HS3ST1: variants seen among roughly 807,000 people sequenced by gnomAD.
HS3ST1 encodes the protein heparan sulfate glucosamine 3-O-sulfotransferase 1.
Under a neutral mutation model 20.7 loss-of-function variants are expected in HS3ST1, and 8 were observed. That is an observed-to-expected ratio of 0.39 (90% confidence interval 0.23 to 0.70). The LOEUF is 0.70. Among genes scored for constraint, HS3ST1 ranks in the 30% least tolerant of loss-of-function variants. HS3ST1 has a pLI of 0.46. For synonymous variants in HS3ST1, 205 were observed against 190.4 expected (o/e 1.08, Z -0.63); for missense variants, 436 against 423.4 (o/e 1.03, Z -0.26).
chr4:11,433,819 C>G (rs930892402), upstream of HS3ST1, among the ~76,000 whole-genome samples: 4 of 152,214 alleles, frequency 2.6e-5, no homozygotes, highest in African/African-American at 7.2e-5. Context: ...TACTTAGGAG[C>G]TCACAGATGT....
Position 11,395,067 on chromosome 4 carries a change from C to T in HS3ST1, c.*4015G>A, listed in dbSNP as rs1332908160. ...CCACTCAGACAAATCTCTTGCCTAC[C>T]TCTACCCTCTACCCCCAGCCTCTCC... On this transcript the variant is annotated 3_prime_UTR_variant, in exon 2 of 2. Coordinates refer to ENST00000002596, the MANE Select transcript of HS3ST1 (RefSeq NM_005114.4). The T allele has an allele frequency of 6.6e-6, 1 of 152,202 alleles. No individual in the cohort carries two copies. The highest frequency in any genetic ancestry group is 2.4e-5 in the African/African-American group (1 of 41,436). The allele number at this position is 152,202 out of a possible 1,614,324, so 9.4% of individuals were successfully genotyped here.
chr4:11,423,021 CAAAAAAAAAAA>C (rs71181101), intron 1 of HS3ST1, among the ~76,000 whole-genome samples: 5 of 34,386 alleles, frequency 1.5e-4, no homozygotes, highest in East Asian at 9.4e-4. Context: ...GAGACACCGT[CAAAAAAAAAAA>C]AAAAAAAAAA....
At position 11,399,431 on chromosome 4, in the gene HS3ST1, T is replaced by C. The variant is rs750095284; in HGVS notation, c.575A>G (p.Asn192Ser). ...GRLNVDYKAL[N>S]RSLYHVHMQN... ...CATGTGCACGTGGTAGAGGCTGCGG[T>C]TGAGGGCCTTGTAGTCCACATTGAG... is the stretch of plus-strand genomic sequence containing the variant. Residue 192 changes from asparagine (N) to serine (S), a missense_variant, in exon 2 of 2, where the codon AAC (asparagine) becomes AGC (serine). Coordinates refer to ENST00000002596, the MANE Select transcript of HS3ST1 (RefSeq NM_005114.4). This position sits in a 1 kb window ranked among gnomAD's most constrained non-coding sequence, Gnocchi z 5.1. The C allele has an allele frequency of 3.1e-6, 5 of 1,613,944 alleles. No homozygotes were observed. In the South Asian group the frequency reaches 4.4e-5, roughly 14 times the overall value.
chr4:11,421,168 C>A (rs569664925), intron 1 of HS3ST1, among the ~76,000 whole-genome samples: 3 of 152,226 alleles, frequency 2.0e-5, no homozygotes, highest in Admixed American at 6.5e-5. Flanking sequence ...TGGCCATCTC[C>A]CTCAATCCTC....
chr4:11,405,782 A>G (rs925977740), intron 1 of HS3ST1, among the ~76,000 whole-genome samples: 2 of 152,198 alleles, frequency 1.3e-5, no homozygotes, highest in African/African-American at 4.8e-5. Flanking sequence ...AGGGGAAGCA[A>G]TGAAATAACC....
At chr4:11,401,918 G>A (rs896398587) in intron 1 of HS3ST1, among the ~76,000 whole-genome samples, 36 of 152,194 alleles carry the variant, frequency 2.4e-4, no homozygotes, top group Admixed American at 1.8e-3. Flanking sequence ...ATCAGTCTGT[G>A]TTTCACGCTA....
At chr4:11,418,135 T>C (rs573342498) in intron 1 of HS3ST1, among the ~76,000 whole-genome samples, 1 of 152,280 alleles carries the variant, frequency 6.6e-6, no homozygotes, top group East Asian at 1.9e-4. Flanking sequence ...CCCCTCCTAC[T>C]TTAGAGCAGA....
upstream of HS3ST1, among the ~76,000 whole-genome samples, chr4:11,431,153 A>G (rs1186117093): frequency 6.6e-6 from 1 of 150,586 alleles, no homozygotes; most frequent in Non-Finnish European, 1.5e-5. Flanking sequence ...GGGTATCGTG[A>G]TTTAATGATG....
At chr4:11,424,177 T>TA (rs1200503119) in intron 1 of HS3ST1, among the ~76,000 whole-genome samples, 2 of 152,190 alleles carry the variant, frequency 1.3e-5, no homozygotes, top group African/African-American at 2.4e-5. Flanking sequence ...CTCAAGCTGT[T>TA]ACTTGCCTGG....
Position 11,394,306 on chromosome 4 carries a change from C to G in HS3ST1, c.*4776G>C, listed in dbSNP as rs1463017750. 1 of 152,170 alleles carries G rather than the reference C, an allele frequency of 6.6e-6. No individual in the cohort carries two copies. The highest frequency in any genetic ancestry group is 1.5e-5 in the Non-Finnish European group (1 of 68,026). The allele number at this position is 152,170 out of a possible 1,614,324, so 9.4% of individuals were successfully genotyped here. ...TCTGGCTCTCTCTCTTTGCTGTTAT[C>G]TAACTGAGAAATTTGGGCAAAATAG... On this transcript the variant is annotated 3_prime_UTR_variant, in exon 2 of 2. Coordinates refer to ENST00000002596, the MANE Select transcript of HS3ST1 (RefSeq NM_005114.4).
intron 1 of HS3ST1, among the ~76,000 whole-genome samples, chr4:11,406,733 G>C (rs1480021180): frequency 6.6e-6 from 1 of 152,212 alleles, no homozygotes; most frequent in South Asian, 2.1e-4. Context: ...TGAGATAGAA[G>C]TGTGAGATTT....
At chr4:11,404,474 TAGAG>T (rs777627540) in intron 1 of HS3ST1, among the ~76,000 whole-genome samples, 62 of 152,348 alleles carry the variant, frequency 4.1e-4, no homozygotes, top group Non-Finnish European at 4.1e-4. Flanking sequence ...GCAATTGAGT[TAGAG>T]AGCACAGAGA....
intron 1 of HS3ST1, among the ~76,000 whole-genome samples, chr4:11,425,319 T>G (rs1293547792): frequency 6.6e-6 from 1 of 152,242 alleles, no homozygotes; most frequent in East Asian, 1.9e-4. Flanking sequence ...TGGTCATGTT[T>G]TACTTTTCCC....
At chr4:11,430,971 T>C (rs774080719), upstream of HS3ST1, among the ~76,000 whole-genome samples, 2 of 152,262 alleles carry the variant, frequency 1.3e-5, no homozygotes, top group Non-Finnish European at 2.9e-5. Flanking sequence ...TCCAGGCATT[T>C]GCCACTGCTC....
At chr4:11,404,745 A>G (rs1024124152) in intron 1 of HS3ST1, among the ~76,000 whole-genome samples, 1 of 152,226 alleles carries the variant, frequency 6.6e-6, no homozygotes, top group Non-Finnish European at 1.5e-5. Context: ...GGGCATGGAT[A>G]CAGAATTCTC....
At chr4:11,414,604 T>A (rs183085312) in intron 1 of HS3ST1, among the ~76,000 whole-genome samples, 25 of 152,348 alleles carry the variant, frequency 1.6e-4, no homozygotes, top group African/African-American at 6.0e-4. Context: ...CACTCAGGCC[T>A]GGCTTTGTAT....
chr4:11,412,250 C>T (rs1455315250), intron 1 of HS3ST1, among the ~76,000 whole-genome samples: 1 of 152,152 alleles, frequency 6.6e-6, no homozygotes, highest in East Asian at 1.9e-4. Context: ...GTCTTGACTT[C>T]CATGTGATGG....
chr4:11,400,304 A>G (rs1186681413), intron 1 of HS3ST1, among the ~76,000 whole-genome samples, 191 bp from the exon 2 acceptor site: 1 of 152,158 alleles, frequency 6.6e-6, no homozygotes, highest in East Asian at 1.9e-4. Context: ...GCTTTAGGGG[A>G]CATACTTTAT....
chr4:11,393,253 A>G lies in HS3ST1; in HGVS notation c.*5829T>C, dbSNP rs1718049661. On this transcript the variant is annotated 3_prime_UTR_variant, in exon 2 of 2. Coordinates refer to ENST00000002596, the MANE Select transcript of HS3ST1 (RefSeq NM_005114.4). Reference sequence around the variant, plus strand: ...TGTTGGGCCCAGAATTGTTTTATGAAGTTGAAATTTAAGTTTGATATTGAT... The same window carrying G: ...TGTTGGGCCCAGAATTGTTTTATGAGGTTGAAATTTAAGTTTGATATTGAT... The G allele has an allele frequency of 6.6e-6, 1 of 152,224 alleles. No individual in the cohort carries two copies. The highest frequency in any genetic ancestry group is 6.5e-5 in the Admixed American group (1 of 15,276). 9.4% of individuals were successfully genotyped at this position (152,224 alleles called of 1,614,324 possible). A position where few individuals can be genotyped will look rare whatever the true frequency, so the allele number is the denominator to read the frequency against.
Sources: allele counts gnomAD v4.1 joint callset (sites outside exome capture counted in the v4.1 genomes callset), GRCh38; gene constraint gnomAD v4.1.1; non-coding constraint Gnocchi (gnomAD v3.1); transcripts MANE v1.5; gene names NCBI Gene and HGNC (gene_info 2026-07-23, HGNC 2026-07-21).